TMEM232: variants seen among roughly 807,000 people sequenced by gnomAD.
TMEM232 encodes the protein transmembrane protein 232.
TMEM232 carries 80 observed loss-of-function variants against 78.8 expected under a neutral mutation model. The observed-to-expected ratio is 1.01, with a 90% CI of 0.85 to 1.22. The LOEUF (loss-of-function observed/expected upper bound fraction) is 1.22. Among genes scored for constraint, TMEM232 ranks in the 50% most tolerant of loss-of-function variants. The pLI, the probability that TMEM232 is intolerant of heterozygous loss-of-function variation, is 0.00. For synonymous variants in TMEM232, 297 were observed against 254.3 expected, an observed-to-expected ratio of 1.17 and a Z score of -1.60; for missense variants, 881 against 742.2, an observed-to-expected ratio of 1.19 and a Z score of -2.17.
At chr5:110,572,732 T>G (rs555276111) in intron 10 of TMEM232, among the ~76,000 whole-genome samples, 3 of 152,214 alleles carry the variant, frequency 2.0e-5, no homozygotes, top group African/African-American at 7.2e-5. Context: ...ACCTGTTGAT[T>G]TAAACTCAAT....
intron 1 of TMEM232, chr5:110,684,789 T>C (rs113474685): frequency 2.0e-5 from 3 of 152,102 alleles, no homozygotes; most frequent in East Asian, 1.9e-4. Flanking sequence ...TCTCTCTTGT[T>C]TTTTCTATGT....
chr5:110,610,633 C>T, intron 8 of TMEM232: 1 of 427,778 alleles, frequency 2.3e-6, no homozygotes, highest in South Asian at 1.7e-5. Flanking sequence ...CCAGTTAACT[C>T]CTGCCTACTA....
chr5:110,573,613 C>G (rs992193451), intron 10 of TMEM232, among the ~76,000 whole-genome samples: 1 of 151,986 alleles, frequency 6.6e-6, no homozygotes. Context: ...GTAAGTATAA[C>G]AGTATCAGTT....
intron 1 of TMEM232, among the ~76,000 whole-genome samples, chr5:110,712,624 C>A (rs140567871): frequency 1.7e-3 from 254 of 152,206 alleles, no homozygotes; most frequent in African/African-American, 5.8e-3. Context: ...AAAGAACGTC[C>A]CCTTTGTTTC....
At chr5:110,556,709 C>T (rs1475453120) in intron 11 of TMEM232, among the ~76,000 whole-genome samples, 1 of 152,118 alleles carries the variant, frequency 6.6e-6, no homozygotes, top group African/African-American at 2.4e-5. Flanking sequence ...ATATAGGTCC[C>T]CAATTTCTTC....
intron 12 of TMEM232, among the ~76,000 whole-genome samples, chr5:110,502,503 C>T (rs1240388866): frequency 6.6e-6 from 1 of 152,154 alleles, no homozygotes; most frequent in African/African-American, 2.4e-5. Flanking sequence ...TTAGCTCAGC[C>T]TTCACCTTTA....
intron 12 of TMEM232, among the ~76,000 whole-genome samples, chr5:110,516,261 T>G (rs372252351): frequency 4.7e-4 from 71 of 152,252 alleles, no homozygotes; most frequent in Middle Eastern, 3.4e-3. Flanking sequence ...AAAAAAATTT[T>G]TTTTGAACAA....
chr5:110,655,925 A>T (rs1452810109), intron 2 of TMEM232, among the ~76,000 whole-genome samples: 1 of 87,644 alleles, frequency 1.1e-5, no homozygotes, highest in Non-Finnish European at 2.2e-5. Context: ...GGGAGGGGGG[A>T]GGGATAGCAT....
chr5:110,461,571 A>G (rs963107531), intron 12 of TMEM232, among the ~76,000 whole-genome samples: 4 of 152,242 alleles, frequency 2.6e-5, no homozygotes, highest in Non-Finnish European at 4.4e-5. Context: ...AACAAACAAC[A>G]TATGTTCAAT....
intron 2 of TMEM232, among the ~76,000 whole-genome samples, chr5:110,408,342 A>C (rs1755869985): frequency 6.6e-6 from 1 of 152,212 alleles, no homozygotes; most frequent in South Asian, 2.1e-4. Context: ...CTGTAATCCC[A>C]GCACTTTGGC....
At chr5:110,415,578 G>C (rs537609171), downstream of TMEM232, among the ~76,000 whole-genome samples, 8 of 151,808 alleles carry the variant, frequency 5.3e-5, no homozygotes, top group African/African-American at 1.9e-4. Context: ...GAGGCCATAA[G>C]TCTCATGACT....
At chr5:110,666,890 A>C (rs533099721) in intron 2 of TMEM232, 12 of 164,406 alleles carry the variant, frequency 7.3e-5, no homozygotes, top group Non-Finnish European at 1.2e-4. Context: ...AAATAGAAAA[A>C]CATTCTATTT....
intron 1 of TMEM232, among the ~76,000 whole-genome samples, chr5:110,687,770 G>A (rs750545944): frequency 3.3e-5 from 5 of 151,434 alleles, no homozygotes; most frequent in African/African-American, 7.3e-5. Flanking sequence ...ATATACATAC[G>A]TACATATTAT....
intron 10 of TMEM232, among the ~76,000 whole-genome samples, chr5:110,593,995 A>G (rs1253545920): frequency 6.6e-6 from 1 of 152,074 alleles, no homozygotes; most frequent in Non-Finnish European, 1.5e-5. Flanking sequence ...TAAAAATCAC[A>G]CTGTTGTGGG....
At position 110,625,006 on chromosome 5, in the gene TMEM232, G is replaced by A. The variant is rs535698432; in HGVS notation, c.768+261C>T. ...TGGTCTTTTTTGGAAAATATGTGAG[G>A]AAAGAAGAAGGTATTATGGCATTAC... On this transcript the variant is annotated intron_variant, in intron 7 of 13. Transcript: ENST00000455884. 1.9e-4 allele frequency among the ~76,000 whole-genome samples: 29 copies of A among 152,070 alleles called. No individual in the cohort carries two copies. In the South Asian group the frequency reaches 5.8e-3, roughly 30 times the overall value.
At chr5:110,404,053 C>A (rs1022661807) in intron 2 of TMEM232, among the ~76,000 whole-genome samples, 2 of 152,102 alleles carry the variant, frequency 1.3e-5, no homozygotes, top group Middle Eastern at 3.4e-3. Context: ...TCTCTCTTCA[C>A]TCCTCTTTAA....
chr5:110,487,357 G>C (rs1764573939), intron 12 of TMEM232, among the ~76,000 whole-genome samples: 1 of 152,098 alleles, frequency 6.6e-6, no homozygotes, highest in South Asian at 2.1e-4. Flanking sequence ...TTGAAGAAGA[G>C]TGGTGAGAGT....
At chr5:110,448,882 G>C (rs1260420699) in intron 12 of TMEM232, among the ~76,000 whole-genome samples, 7 of 151,756 alleles carry the variant, frequency 4.6e-5, no homozygotes, top group Admixed American at 2.6e-4. Flanking sequence ...CTTTTAAGTA[G>C]AGAAAATACA....
chr5:110,654,763 A>T (rs1366165317), intron 2 of TMEM232, among the ~76,000 whole-genome samples: 1 of 152,116 alleles, frequency 6.6e-6, no homozygotes, highest in African/African-American at 2.4e-5. Flanking sequence ...CACGATATTG[A>T]TTCTTCCTAC....
Sources: gnomAD v4.1 joint callset for allele counts (sites outside exome capture counted in the v4.1 genomes callset) on GRCh38, gnomAD v4.1.1 for gene constraint, MANE v1.5 for transcripts, NCBI Gene and HGNC (gene_info 2026-07-23, HGNC 2026-07-21) for gene names.